Variants in TMEM178A observed in about 807,000 individuals in gnomAD.
The protein encoded by TMEM178A is transmembrane protein 178A.
TMEM178A carries 12 observed loss-of-function variants against 29.1 expected under a neutral mutation model. The ratio of observed to expected loss-of-function variants is 0.41; its 90% CI spans 0.26 to 0.67. The LOEUF is 0.67. Among genes scored for constraint, TMEM178A ranks in the 30% least tolerant of loss-of-function variants. TMEM178A has a pLI of 0.29. For missense variants in TMEM178A, 366 were observed against 419.1 expected (o/e 0.87, Z 1.11); for synonymous variants, 210 against 187.2 (o/e 1.12, Z -0.99).
Position 39,676,133 on chromosome 2 carries a change from T to C in TMEM178A, c.400+9759T>C, listed in dbSNP as rs552468810. On this transcript the variant is annotated intron_variant, in intron 1 of 3. Transcript: ENST00000281961. ...GAAACATTATAATTTGGGTTGTGGGTGTAATTTTAAAATATGTAGTTGATA... is the reference window on the plus strand; with the variant it reads ...GAAACATTATAATTTGGGTTGTGGGCGTAATTTTAAAATATGTAGTTGATA... 5.9e-5 allele frequency among the ~76,000 whole-genome samples: 9 copies of C among 152,320 alleles called. No homozygotes were observed. In the South Asian group the frequency reaches 1.9e-3, roughly 32 times the overall value.
intron 2 of TMEM178A, 55 bp from the exon 3 acceptor site, chr2:39,706,994 C>A (rs903991697): frequency 9.0e-6 from 14 of 1,554,492 alleles, no homozygotes; most frequent in African/African-American, 2.7e-5. Context: ...TTCTCTAATT[C>A]TTAATGACTT....
Position 39,680,649 on chromosome 2 carries a change from A to G in TMEM178A, c.400+14275A>G, listed in dbSNP as rs190137088. The stretch of plus-strand genomic sequence containing the variant: ...ATAGTAGAGAATGCAAAAGGAGTAT[A>G]CCCTTTAGAAAACTACTTAGTATAA... On this transcript the variant is annotated intron_variant, in intron 1 of 3. Coordinates refer to ENST00000281961, the MANE Select transcript of TMEM178A (RefSeq NM_152390.3). Among the ~76,000 whole-genome samples the G allele has an allele frequency of 2.6e-3, 401 of 152,342 alleles. 4 individuals carry two copies. The highest frequency in any genetic ancestry group is 9.1e-3 in the African/African-American group (380 of 41,572).
the TMEM178A span, among the ~76,000 whole-genome samples, chr2:39,724,432 C>T: frequency 6.6e-6 from 1 of 152,174 alleles, no homozygotes; most frequent in South Asian, 2.1e-4. Context: ...GCCTGAAAAT[C>T]ACTTTGAACA....
intron 3 of TMEM178A, among the ~76,000 whole-genome samples, chr2:39,708,739 A>C (rs527811821): frequency 6.6e-6 from 1 of 152,238 alleles, no homozygotes; most frequent in African/African-American, 2.4e-5. Context: ...AGGGATTGGA[A>C]AGATGGGGGT....
the TMEM178A span, among the ~76,000 whole-genome samples, chr2:39,726,138 A>T: frequency 6.6e-6 from 1 of 152,194 alleles, no homozygotes; most frequent in African/African-American, 2.4e-5. Flanking sequence ...TGTCTGTCTC[A>T]GAGAGACAGA....
chr2:39,732,072 C>G, the TMEM178A span, among the ~76,000 whole-genome samples: 1 of 152,116 alleles, frequency 6.6e-6, no homozygotes, highest in Middle Eastern at 3.2e-3. Flanking sequence ...TAAACTGATA[C>G]TCATGAGGAT....
chr2:39,715,363 AGG>A (rs1672490504), intron 3 of TMEM178A, among the ~76,000 whole-genome samples: 1 of 152,240 alleles, frequency 6.6e-6, no homozygotes, highest in Non-Finnish European at 1.5e-5. Context: ...ATTTATTAAA[AGG>A]GCTTTGTTAT....
rs867303091 is a variant in TMEM178A at position 39,666,312 on chromosome 2, G to A, written c.338G>A (p.Gly113Asp). ...CGRPLFATYS[G>D]LWRKCYFLGI... is the part of the protein sequence containing the mutation. The stretch of plus-strand genomic sequence containing the variant: ...CGGCCCCTCTTCGCCACCTACTCGG[G>A]CCTCTGGAGGAAGTGCTACTTCCTG... Residue 113 changes from glycine to aspartate, a missense_variant, in exon 1 of 4, where the codon GGC (glycine) becomes GAC (aspartate). This residue lies in a region of TMEM178A where 247 missense variants were observed against 246.8 expected (regional missense o/e 1.00). Coordinates refer to ENST00000281961, the MANE Select transcript of TMEM178A (RefSeq NM_152390.3). 6.9e-7 allele frequency: 1 copy of A among 1,449,684 alleles called. No homozygotes were observed. Among genetic ancestry groups the A allele is most frequent in the Non-Finnish European group, 9.1e-7 (1 of 1,101,124 alleles). The allele number at this position is 1,449,684 out of a possible 1,614,324, so 89.8% of individuals were successfully genotyped here.
chr2:39,734,555 G>T, the TMEM178A span, among the ~76,000 whole-genome samples: 8 of 152,178 alleles, frequency 5.3e-5, no homozygotes, highest in Non-Finnish European at 8.8e-5. Context: ...TTTTCTTAAA[G>T]TGCAGACTCA....
chr2:39,701,959 T>G lies in TMEM178A; in HGVS notation c.401-2122T>G, dbSNP rs117076115. On this transcript the variant is annotated intron_variant, in intron 1 of 3. Transcript: ENST00000281961. Reference sequence around the variant, plus strand: ...TATCACTCTCATCCTTTCCTTTAGTTATTTGGATAGGTTTTCTTTACTTCT... The same window carrying G: ...TATCACTCTCATCCTTTCCTTTAGTGATTTGGATAGGTTTTCTTTACTTCT... Among the ~76,000 whole-genome samples, 30 of 152,308 alleles carry G rather than the reference T, an allele frequency of 2.0e-4. No homozygotes were observed. In the East Asian group the frequency reaches 3.3e-3, roughly 17 times the overall value.
chr2:39,716,128 T>C (rs533572471), intron 3 of TMEM178A, among the ~76,000 whole-genome samples: 136 of 152,332 alleles, frequency 8.9e-4, no homozygotes, highest in Middle Eastern at 6.8e-3. Flanking sequence ...TGATACTTGA[T>C]TGGGTGCCAG....
At chr2:39,731,312 C>T in the TMEM178A span, among the ~76,000 whole-genome samples, 1 of 152,124 alleles carries the variant, frequency 6.6e-6, no homozygotes, top group Non-Finnish European at 1.5e-5. Flanking sequence ...TAATAGAATA[C>T]TTGAGACTGG....
the TMEM178A span, among the ~76,000 whole-genome samples, chr2:39,726,306 C>A: frequency 6.6e-6 from 1 of 152,102 alleles, no homozygotes; most frequent in Non-Finnish European, 1.5e-5. Context: ...CACAGAGAGC[C>A]TGAGCAATGC....
At chr2:39,706,178 G>A (rs1003240475) in intron 2 of TMEM178A, among the ~76,000 whole-genome samples, 3 of 152,196 alleles carry the variant, frequency 2.0e-5, no homozygotes, top group Non-Finnish European at 4.4e-5. Context: ...TCAGGCATGT[G>A]GGGAAAGAGC....
downstream of TMEM178A, among the ~76,000 whole-genome samples, chr2:39,718,354 C>G (rs546777604): frequency 5.8e-4 from 88 of 152,318 alleles, 1 homozygote; most frequent in African/African-American, 1.9e-3. Flanking sequence ...TCAGAGTCAC[C>G]TGGTGAGGTC....
At chr2:39,679,397 A>T (rs1430298118) in intron 1 of TMEM178A, among the ~76,000 whole-genome samples, 1 of 43,274 alleles carries the variant, frequency 2.3e-5, no homozygotes, top group African/African-American at 7.8e-5. Flanking sequence ...ACTTGGTGTT[A>T]AAAAAAAAGT....
intron 1 of TMEM178A, among the ~76,000 whole-genome samples, chr2:39,691,914 G>A (rs1483534124): frequency 6.6e-6 from 1 of 151,496 alleles, no homozygotes; most frequent in Non-Finnish European, 1.5e-5. Flanking sequence ...TATTATTTAG[G>A]TTGCTTCTTG....
chr2:39,676,246 C>G (rs1670619070), intron 1 of TMEM178A, among the ~76,000 whole-genome samples: 1 of 152,204 alleles, frequency 6.6e-6, no homozygotes, highest in East Asian at 1.9e-4. Context: ...GCTTAGCCTA[C>G]AAGGAAAACG....
At chr2:39,722,655 C>T (rs1481429770), downstream of TMEM178A, among the ~76,000 whole-genome samples, 2 of 152,170 alleles carry the variant, frequency 1.3e-5, no homozygotes, top group African/African-American at 2.4e-5. Flanking sequence ...ATGTCACATA[C>T]TGGCCAACCC....
Sources: gnomAD v4.1 joint callset for allele counts (sites outside exome capture counted in the v4.1 genomes callset) on GRCh38, gnomAD v4.1.1 for gene constraint, gnomAD v4.1.1 regional missense constraint, MANE v1.5 for transcripts, NCBI Gene and HGNC (gene_info 2026-07-23, HGNC 2026-07-21) for gene names.